The following PTPRG variants were observed in gnomAD, a reference collection of about 807,000 sequenced individuals.
PTPRG encodes the protein protein tyrosine phosphatase receptor type G.
PTPRG carries 102 observed loss-of-function variants against 165.3 expected under a neutral mutation model. That is an observed-to-expected ratio of 0.62 (90% confidence interval 0.53 to 0.73). The LOEUF is 0.73. PTPRG is among the 30% of genes least tolerant of loss of function. The pLI, the probability that PTPRG is intolerant of heterozygous loss-of-function variation, is 0.00. For missense variants in PTPRG, 1,866 were observed against 1,861.4 expected (o/e 1.00, Z -0.05); for synonymous variants, 675 against 669.5 (o/e 1.01, Z -0.13).
At chr3:61,562,560 T>C (rs1307271538) in intron 1 of PTPRG, among the ~76,000 whole-genome samples, 188 bp downstream of exon 1, 1 of 119,982 alleles carries the variant, frequency 8.3e-6, no homozygotes, top group East Asian at 2.7e-4. Flanking sequence ...GGCAGGCTAG[T>C]GGTCGAGGAA....
intron 1 of PTPRG, among the ~76,000 whole-genome samples, chr3:61,581,003 A>C (rs1375506170): frequency 6.6e-6 from 1 of 152,244 alleles, no homozygotes; most frequent in Non-Finnish European, 1.5e-5. Flanking sequence ...AGAGCATAGC[A>C]GACATGCCTT....
At chr3:61,744,828 CAG>C (rs143189808) in intron 1 of PTPRG, among the ~76,000 whole-genome samples, 88,394 of 151,648 alleles carry the variant, frequency 0.58, 26,972 homozygotes, top group Middle Eastern at 0.68. Flanking sequence ...ATTGGTTACT[CAG>C]GGCCATTTTC....
rs371597655 is a variant in PTPRG at position 62,220,994 on chromosome 3, G to A, written c.2288+2011G>A. 1.2e-4 allele frequency among the ~76,000 whole-genome samples: 18 copies of A among 152,254 alleles called. 2 individuals are homozygous for A. The highest frequency in any genetic ancestry group is 3.9e-4 in the African/African-American group (16 of 41,550). ...GATCACAGTGACCAAGAAGGACCAT[G>A]GGGCCAAACAGGCATCAATACCCAG... On this transcript the variant is annotated intron_variant, in intron 13 of 29. Coordinates refer to ENST00000474889, the MANE Select transcript of PTPRG (RefSeq NM_002841.4).
intron 2 of PTPRG, among the ~76,000 whole-genome samples, chr3:61,912,885 T>G (rs987866409): frequency 5.3e-5 from 8 of 152,158 alleles, no homozygotes; most frequent in Admixed American, 4.6e-4. Flanking sequence ...TTTCACCATT[T>G]TTTAGTATTT....
intron 2 of PTPRG, among the ~76,000 whole-genome samples, chr3:61,892,250 A>G (rs2107501771): frequency 6.6e-6 from 1 of 152,314 alleles, no homozygotes; most frequent in Non-Finnish European, 1.5e-5. Flanking sequence ...CTTTTGAGAC[A>G]GAGTCTTGCT....
rs1701142164 is a variant in PTPRG at position 62,240,779 on chromosome 3, T to C, written c.2376-3028T>C. ...CTCCAGAGTTTTACAGGGTTAGACC[T>C]CCTTAATCAGGCCTCAGCTCAAATG... On this transcript the variant is annotated intron_variant, in intron 14 of 29. Transcript: ENST00000474889. The surrounding 1 kb of genome is among the most constrained non-coding windows in gnomAD (Gnocchi z 5.1). Among the ~76,000 whole-genome samples the C allele has an allele frequency of 6.6e-6, 1 of 152,204 alleles. No individual in the cohort carries two copies. The highest frequency in any genetic ancestry group is 1.5e-5 in the Non-Finnish European group (1 of 68,036).
At chr3:61,639,546 G>C (rs1482515122) in intron 1 of PTPRG, among the ~76,000 whole-genome samples, 3 of 151,596 alleles carry the variant, frequency 2.0e-5, no homozygotes, top group Admixed American at 1.3e-4. Context: ...CCATGAGCAT[G>C]GGAGGTTTTT....
rs188711956 is a variant in PTPRG, at chr3:62,254,582, C to T, written c.2468-542C>T. The stretch of plus-strand genomic sequence containing the variant: ...CTGTCTTGAGCTAAAATTTTGAACA[C>T]TTAAAGATAGATGGCATTGTACCCA... On this transcript the variant is annotated intron_variant, in intron 15 of 29. Coordinates refer to ENST00000474889, the MANE Select transcript of PTPRG (RefSeq NM_002841.4). The surrounding 1 kb of genome is among the most constrained non-coding windows in gnomAD (Gnocchi z 4.6). 3.0e-4 allele frequency among the ~76,000 whole-genome samples: 46 copies of T among 152,176 alleles called. No homozygotes were observed. The highest frequency in any genetic ancestry group is 1.1e-3 in the African/African-American group (46 of 41,540).
At chr3:61,666,643 G>C (rs981254852) in intron 1 of PTPRG, among the ~76,000 whole-genome samples, 3 of 152,192 alleles carry the variant, frequency 2.0e-5, no homozygotes, top group Non-Finnish European at 4.4e-5. Context: ...CTAAGGCAGA[G>C]TTGCTGAAAC....
At chr3:61,622,146 A>G (rs1266547788) in intron 1 of PTPRG, among the ~76,000 whole-genome samples, 1 of 152,168 alleles carries the variant, frequency 6.6e-6, no homozygotes, top group Non-Finnish European at 1.5e-5. Context: ...GGAGGAAACC[A>G]AGTCTTCACT....
At chr3:61,697,880 C>CA (rs2030700781) in intron 1 of PTPRG, among the ~76,000 whole-genome samples, 2 of 152,152 alleles carry the variant, frequency 1.3e-5, no homozygotes, top group Admixed American at 6.5e-5. Flanking sequence ...AGTTTGAGCA[C>CA]ACATAAACAT....
chr3:62,017,319 T>C (rs937651740), intron 4 of PTPRG, among the ~76,000 whole-genome samples: 1 of 152,196 alleles, frequency 6.6e-6, no homozygotes, highest in Non-Finnish European at 1.5e-5. Flanking sequence ...GTATTAAGAA[T>C]GTGAAAGAGC....
chr3:61,900,292 A>G (rs879710801), intron 2 of PTPRG, among the ~76,000 whole-genome samples: 31 of 152,208 alleles, frequency 2.0e-4, no homozygotes, highest in Non-Finnish European at 4.0e-4. Flanking sequence ...TGTATTTTTA[A>G]TAGGCTACTC....
At chr3:62,162,635 G>A (rs1398876866) in intron 7 of PTPRG, among the ~76,000 whole-genome samples, 1 of 151,924 alleles carries the variant, frequency 6.6e-6, no homozygotes. Flanking sequence ...AGTGCAGAAG[G>A]ATGAAGATAG....
intron 23 of PTPRG, among the ~76,000 whole-genome samples, chr3:62,274,999 T>C (rs1339193798): frequency 6.6e-6 from 1 of 151,960 alleles, no homozygotes; most frequent in Non-Finnish European, 1.5e-5. Flanking sequence ...GAGCTCAAGA[T>C]GAAGAAAAAA....
intron 2 of PTPRG, among the ~76,000 whole-genome samples, chr3:61,767,246 A>G (rs1216824559): frequency 3.4e-5 from 5 of 148,648 alleles, no homozygotes; most frequent in East Asian, 2.3e-4. Flanking sequence ...ATCTCAAAAA[A>G]AAAAAAAAAA....
intron 2 of PTPRG, among the ~76,000 whole-genome samples, chr3:61,800,663 T>G (rs1041440266): frequency 1.3e-5 from 2 of 148,182 alleles, no homozygotes; most frequent in African/African-American, 2.5e-5. Context: ...GTACTCTGTT[T>G]TTTTTTTTTT....
intron 7 of PTPRG, among the ~76,000 whole-genome samples, chr3:62,158,893 T>C (rs79493790): frequency 0.085 from 13,002 of 152,152 alleles, 748 homozygotes; most frequent in Non-Finnish European, 0.12. Flanking sequence ...TGAGTTTTCT[T>C]CCTAATGGTG....
intron 2 of PTPRG, among the ~76,000 whole-genome samples, chr3:61,915,218 G>T (rs780743954): frequency 6.6e-6 from 1 of 152,204 alleles, no homozygotes; most frequent in African/African-American, 2.4e-5. Flanking sequence ...AACAGAGTGA[G>T]ACTCTGTCTC....
Sources: gnomAD v4.1 joint callset for allele counts (sites outside exome capture counted in the v4.1 genomes callset) on GRCh38, gnomAD v4.1.1 for gene constraint, Gnocchi (gnomAD v3.1) non-coding constraint, MANE v1.5 for transcripts, NCBI Gene and HGNC (gene_info 2026-07-23, HGNC 2026-07-21) for gene names.